NTF3: variants seen among roughly 807,000 people sequenced by gnomAD.
NTF3 encodes the protein neurotrophin-3.
Under a neutral mutation model 26.3 loss-of-function variants are expected in NTF3, and 8 were observed. The observed-to-expected ratio is 0.30, with a 90% confidence interval of 0.18 to 0.55. The LOEUF (loss-of-function observed/expected upper bound fraction) is 0.55, where lower values mean the gene tolerates loss of function less well. NTF3 is among the 20% of genes least tolerant of loss of function. The probability of loss-of-function intolerance (pLI) is 0.93; values close to 1 mark genes in which losing one functional copy is unlikely to be tolerated. For missense variants in NTF3, 276 were observed against 352.9 expected, an observed-to-expected ratio of 0.78 and a Z score of 1.75; for synonymous variants, 154 against 145.5, an observed-to-expected ratio of 1.06 and a Z score of -0.42.
chr12:5,435,016 C>G (rs1035420053), intron 1 of NTF3, among the ~76,000 whole-genome samples: 1 of 152,050 alleles, frequency 6.6e-6, no homozygotes, highest in Non-Finnish European at 1.5e-5. Context: ...TTTGCCTCCC[C>G]CCTCCTTCCT....
chr12:5,482,714 A>C (rs1362236575), intron 1 of NTF3, among the ~76,000 whole-genome samples: 2 of 147,528 alleles, frequency 1.4e-5, no homozygotes, highest in East Asian at 2.0e-4. Flanking sequence ...CCTCCTCCCC[A>C]CTCACTGTCT....
intron 1 of NTF3, among the ~76,000 whole-genome samples, chr12:5,485,960 C>G (rs182292839): frequency 2.0e-5 from 3 of 152,268 alleles, no homozygotes; most frequent in African/African-American, 7.2e-5. Flanking sequence ...GGAGAGACAC[C>G]TGGAGGAGCA....
chr12:5,463,776 C>G (rs772562537), intron 1 of NTF3, among the ~76,000 whole-genome samples: 20 of 152,160 alleles, frequency 1.3e-4, no homozygotes, highest in Non-Finnish European at 2.4e-4. Context: ...GATGGTTCAG[C>G]CTTCTTTCCA....
At chr12:5,491,614 G>A (rs1940937278) in intron 1 of NTF3, among the ~76,000 whole-genome samples, 1 of 152,134 alleles carries the variant, frequency 6.6e-6, no homozygotes, top group Non-Finnish European at 1.5e-5. Flanking sequence ...TAGTGAATGG[G>A]GTTGGAGCAA....
At chr12:5,487,715 G>A (rs542870080) in intron 1 of NTF3, among the ~76,000 whole-genome samples, 129 of 152,296 alleles carry the variant, frequency 8.5e-4, no homozygotes, top group African/African-American at 2.5e-3. Flanking sequence ...AGGAACAACA[G>A]TAGAATTAGA....
rs1406782571 is a variant in NTF3 at position 5,462,642 on chromosome 12, A to G, written c.18+30300A>G. Reference sequence around the variant, plus strand: ...ATTCCATTCACCTTTGCTTCTTTTAACATCCTCAGTGAAGGCAGATGGAGA... The same window carrying G: ...ATTCCATTCACCTTTGCTTCTTTTAGCATCCTCAGTGAAGGCAGATGGAGA... On this transcript the variant is annotated intron_variant, in intron 1 of 1. Coordinates refer to ENST00000423158, the MANE Select transcript of NTF3 (RefSeq NM_001102654.2). 2.6e-5 allele frequency among the ~76,000 whole-genome samples: 4 copies of G among 152,208 alleles called. No individual in the cohort carries two copies. The East Asian group carries it at 7.7e-4, about 29-fold the overall frequency.
At chr12:5,470,833 C>G (rs1029364804) in intron 1 of NTF3, among the ~76,000 whole-genome samples, 1 of 152,236 alleles carries the variant, frequency 6.6e-6, no homozygotes, top group Non-Finnish European at 1.5e-5. Context: ...TGCAGTCTCT[C>G]TACTATAAAA....
chr12:5,463,815 G>GTT (rs1940553325), intron 1 of NTF3, among the ~76,000 whole-genome samples: 1 of 152,160 alleles, frequency 6.6e-6, no homozygotes, highest in Non-Finnish European at 1.5e-5. Flanking sequence ...TTACCAACTT[G>GTT]CTGTGTGACC....
intron 1 of NTF3, among the ~76,000 whole-genome samples, chr12:5,493,088 A>G (rs1378420758): frequency 6.6e-6 from 1 of 152,186 alleles, no homozygotes; most frequent in African/African-American, 2.4e-5. Context: ...TTCGGGGATC[A>G]CTAGCTCAGC....
chr12:5,461,363 G>T (rs1591598306), intron 1 of NTF3, among the ~76,000 whole-genome samples: 1 of 152,156 alleles, frequency 6.6e-6, no homozygotes, highest in South Asian at 2.1e-4. Context: ...TGACTTAGAT[G>T]ATTAAGACAG....
chr12:5,441,925 A>G (rs978950052), intron 1 of NTF3, among the ~76,000 whole-genome samples: 1 of 152,184 alleles, frequency 6.6e-6, no homozygotes, highest in African/African-American at 2.4e-5. Context: ...TTCTCCTGCA[A>G]ATTGGGGCTC....
intron 1 of NTF3, among the ~76,000 whole-genome samples, chr12:5,491,057 T>C (rs572605125): frequency 6.6e-6 from 1 of 152,344 alleles, no homozygotes. Flanking sequence ...ATAACTTTCA[T>C]GGTGCACAAG....
intron 1 of NTF3, among the ~76,000 whole-genome samples, chr12:5,482,896 TTCTG>T (rs1003350820): frequency 4.0e-5 from 6 of 151,728 alleles, no homozygotes; most frequent in Non-Finnish European, 8.8e-5. Context: ...GTGTTTTTTT[TTCTG>T]TCTTTCTGCA....
At chr12:5,490,269 C>G (rs1485207920) in intron 1 of NTF3, among the ~76,000 whole-genome samples, 1 of 152,176 alleles carries the variant, frequency 6.6e-6, no homozygotes, top group African/African-American at 2.4e-5. Context: ...TGGGGTAGGT[C>G]TCGATCGTAG....
intron 1 of NTF3, among the ~76,000 whole-genome samples, chr12:5,477,121 A>G (rs1591603457): frequency 6.6e-6 from 1 of 152,304 alleles, no homozygotes; most frequent in Middle Eastern, 3.4e-3. Flanking sequence ...TCAGAAAACC[A>G]TTGTAGGGAG....
intron 1 of NTF3, among the ~76,000 whole-genome samples, chr12:5,489,604 G>A (rs1463896284): frequency 6.6e-6 from 1 of 152,170 alleles, no homozygotes; most frequent in African/African-American, 2.4e-5. Flanking sequence ...TTTATTCTTG[G>A]TGATCTCACC....
At position 5,480,101 on chromosome 12, in the gene NTF3, T is replaced by C. The variant is rs376878550; in HGVS notation, c.19-14093T>C. On this transcript the variant is annotated intron_variant, in intron 1 of 1. Coordinates refer to ENST00000423158, the MANE Select transcript of NTF3 (RefSeq NM_001102654.2). ...TTCCAGTGCAGCCCCTCCAGAGCTG[T>C]TGAACGCCACCTTTTTCCTCTTTCG... Among the ~76,000 whole-genome samples the C allele has an allele frequency of 5.3e-5, 8 of 152,330 alleles. No individual in the cohort carries two copies. In the East Asian group the frequency reaches 7.7e-4, roughly 15 times the overall value.
intron 1 of NTF3, among the ~76,000 whole-genome samples, chr12:5,446,764 C>G (rs1050140561): frequency 6.6e-6 from 1 of 152,230 alleles, no homozygotes; most frequent in Non-Finnish European, 1.5e-5. Context: ...TGCTGTCAGG[C>G]ATGCTGGAGC....
At chr12:5,455,521 T>C (rs1940432191) in intron 1 of NTF3, among the ~76,000 whole-genome samples, 1 of 136,282 alleles carries the variant, frequency 7.3e-6, no homozygotes, top group Non-Finnish European at 1.5e-5. Context: ...CTGGCCTCTG[T>C]AACCCCTCCC....
Sources: allele counts gnomAD v4.1 joint callset (sites outside exome capture counted in the v4.1 genomes callset), GRCh38; gene constraint gnomAD v4.1.1; transcripts MANE v1.5; gene names NCBI Gene and HGNC (gene_info 2026-07-23, HGNC 2026-07-21).